Variants in GTF2F1 observed in about 807,000 individuals in gnomAD.
The protein encoded by GTF2F1 is general transcription factor IIF 74 kDa subunit.
Under a neutral mutation model 63.5 loss-of-function variants are expected in GTF2F1, and 39 were observed. The observed-to-expected ratio is 0.61, with a 90% CI of 0.48 to 0.80. GTF2F1 has a LOEUF of 0.80. GTF2F1 is among the 30% of genes least tolerant of loss of function. The pLI is 0.00. For missense variants in GTF2F1, 657 were observed against 718.3 expected (o/e 0.91, Z 0.97); for synonymous variants, 287 against 285.3 (o/e 1.01, Z -0.06).
intron 5 of GTF2F1, among the ~76,000 whole-genome samples, chr19:6,385,682 T>C (rs920335282): frequency 1.3e-5 from 2 of 152,146 alleles, no homozygotes; most frequent in African/African-American, 2.4e-5. Context: ...CGGAGGCTCA[T>C]GACCTGGTGG....
Position 6,381,587 on chromosome 19 carries a change from C to T in GTF2F1, c.865G>A (p.Ala289Thr). 3 of 1,613,776 alleles carry T rather than the reference C, an allele frequency of 1.9e-6. No individual in the cohort carries two copies. Among genetic ancestry groups the T allele is most frequent in the Non-Finnish European group, 2.5e-6 (3 of 1,180,028 alleles). ...CCCTCCTCCTGCTGCGGCGCCTTGG[C>T]CTTGCTCTCAGGCTCTTCTTGGGAG... is the stretch of plus-strand genomic sequence containing the variant. ...SSSQEEPESK[A>T]KAPQQEEGPK... is the part of the protein sequence containing the mutation. Residue 289 changes from alanine to threonine, a missense_variant, in exon 8 of 13, where the codon GCC becomes ACC. Ala to Thr is a moderately conservative substitution (Grantham distance 58). Coordinates refer to ENST00000394456, the MANE Select transcript of GTF2F1 (RefSeq NM_002096.3). The surrounding 1 kb of genome is among the most constrained non-coding windows in gnomAD (Gnocchi z 4.1).
In GTF2F1 at chr19:6,383,799, TA is replaced by T. The variant is rs1463595961; in HGVS notation, c.498-305del. On this transcript the variant is annotated intron_variant, in intron 5 of 12. Coordinates refer to ENST00000394456, the MANE Select transcript of GTF2F1 (RefSeq NM_002096.3). This position sits in a 1 kb window ranked among gnomAD's most constrained non-coding sequence, Gnocchi z 4.5. ...CTGGTTTCTTGCTATTTTTTATTAT[TA>T]TTTTTTTATTTTCTGAGACAGAGTA... is the stretch of plus-strand genomic sequence containing the variant. Among the ~76,000 whole-genome samples the T allele has an allele frequency of 6.6e-6, 1 of 152,086 alleles. No individual in the cohort carries two copies. Among genetic ancestry groups the T allele is most frequent in the Non-Finnish European group, 1.5e-5 (1 of 68,020 alleles).
rs960685392 is a variant in GTF2F1, at chr19:6,386,153, A to AG, written c.497+1235dup. 6.6e-5 allele frequency among the ~76,000 whole-genome samples: 10 copies of AG among 151,990 alleles called. No individual in the cohort carries two copies. The South Asian group carries it at 1.5e-3, about 22-fold the overall frequency. On this transcript the variant is annotated intron_variant, in intron 5 of 12. Transcript: ENST00000394456. ...GTAATCCCCACACTTAGGGAGGCTG[A>AG]GGGGGGCAGATCACCTGAGGTTAGG... is the stretch of plus-strand genomic sequence containing the variant.
In GTF2F1 at chr19:6,380,321, T is replaced by C. The variant is rs1206217566; in HGVS notation, c.1514A>G (p.Lys505Arg). The C allele has an allele frequency of 6.2e-7, 1 of 1,614,162 alleles. No individual in the cohort carries two copies. The highest frequency in any genetic ancestry group is 8.5e-7 in the Non-Finnish European group (1 of 1,180,020). Residue 505 changes from lysine (K) to arginine (R), a missense_variant, in exon 13 of 13, where the codon AAG becomes AGG. Physicochemically the swap from Lys to Arg is conservative, Grantham distance 26. Around this residue, in one of 2 missense-constraint regions of GTF2F1, gnomAD observed 55 missense variants for 92.6 expected, o/e 0.59. Transcript: ENST00000394456. This position sits in a 1 kb window ranked among gnomAD's most constrained non-coding sequence, Gnocchi z 5.3. The part of the protein sequence containing the change: ...QILKRLNPER[K>R]MINDKMHFSL... ...GAAGTGCATTTTGTCGTTGATCATC[T>C]TGCGCTCGGGGTTGAGTCGCTTGAG...
intron 6 of GTF2F1, among the ~76,000 whole-genome samples, chr19:6,382,605 T>C (rs1026661064): frequency 1.3e-4 from 18 of 139,154 alleles, no homozygotes; most frequent in African/African-American, 5.0e-4. Context: ...CACTCCAGCC[T>C]GGGCAACAGA....
rs1216584246 is a variant in GTF2F1, at chr19:6,381,529, C to G, written c.898+25G>C. The G allele has an allele frequency of 6.2e-7, 1 of 1,611,146 alleles. No individual in the cohort carries two copies. The highest frequency in any genetic ancestry group is 2.2e-5 in the East Asian group (1 of 44,888). On this transcript the variant is annotated intron_variant, in intron 8 of 12. Transcript: ENST00000394456. This position sits in a 1 kb window ranked among gnomAD's most constrained non-coding sequence, Gnocchi z 4.1. ...AGCAGGGAAGCACCGCCCCCATCTC[C>G]CCGGCCCGCCCAGCCATCGCCTACC...
Position 6,381,264 on chromosome 19 carries a change from T to C in GTF2F1, c.1019-69A>G. The C allele has an allele frequency of 6.4e-7, 1 of 1,558,178 alleles. No homozygotes were observed. The highest frequency in any genetic ancestry group is 8.7e-7 in the Non-Finnish European group (1 of 1,151,262). On this transcript the variant is annotated intron_variant, in intron 9 of 12. Transcript: ENST00000394456. The surrounding 1 kb of genome is among the most constrained non-coding windows in gnomAD (Gnocchi z 4.1). ...ACCCGGTGCCCACTGGTGCCTCCAC[T>C]GCAGATGAGGGAGGCCTGCAGGGGA...
At position 6,383,580 on chromosome 19, in the gene GTF2F1, C is replaced by A. The variant is rs2091963233; in HGVS notation, c.498-85G>T. The A allele has an allele frequency of 2.1e-6, 3 of 1,417,568 alleles. No individual in the cohort carries two copies. The highest frequency in any genetic ancestry group is 2.4e-5 in the South Asian group (2 of 83,128). The allele number at this position is 1,417,568 out of a possible 1,614,324, so 87.8% of individuals were successfully genotyped here. On this transcript the variant is annotated intron_variant, in intron 5 of 12. Coordinates refer to ENST00000394456, the MANE Select transcript of GTF2F1 (RefSeq NM_002096.3). This position sits in a 1 kb window ranked among gnomAD's most constrained non-coding sequence, Gnocchi z 4.5. Reference sequence around the variant, plus strand: ...GCAGGGGGCGAGCCCCAGGGCACCACCCACATAGCCTTCAAGGTGATGTGG... The same window carrying A: ...GCAGGGGGCGAGCCCCAGGGCACCAACCACATAGCCTTCAAGGTGATGTGG...
At position 6,389,641 on chromosome 19, in the gene GTF2F1, G is replaced by T; in HGVS notation, c.133-4C>A. 1 of 1,612,376 alleles carries T rather than the reference G, an allele frequency of 6.2e-7. No homozygotes were observed. On this transcript the variant is annotated splice_region_variant and splice_polypyrimidine_tract_variant and intron_variant, in intron 3 of 12. Coordinates refer to ENST00000394456, the MANE Select transcript of GTF2F1 (RefSeq NM_002096.3). The stretch of plus-strand genomic sequence containing the variant: ...TCAAGTCCCGCTCCAGCCGAGCCTA[G>T]GGGAGCAGGAAGCAAAGCCTCTCAG...
At chr19:6,392,405 T>C (rs1599218254) in intron 2 of GTF2F1, 1 of 481,584 alleles carries the variant, frequency 2.1e-6, no homozygotes, top group Middle Eastern at 3.3e-4. Context: ...AGGCAGGGAG[T>C]ATTTCCTGGA....
chr19:6,387,402 C>T lies in GTF2F1; in HGVS notation c.484G>A (p.Glu162Lys). The T allele has an allele frequency of 6.2e-7, 1 of 1,614,138 alleles. No individual in the cohort carries two copies. Among genetic ancestry groups the T allele is most frequent in the Non-Finnish European group, 8.5e-7 (1 of 1,179,966 alleles). The change falls in exon 5 of 13, where the codon GAG (glutamate) becomes AAG (lysine). Residue 162 changes from glutamate (E) to lysine (K), a missense_variant. Around this residue, in one of 2 missense-constraint regions of GTF2F1, gnomAD observed 602 missense variants for 625.6 expected, o/e 0.96. Transcript: ENST00000394456. ...HRTLTAEEAE[E>K]EWERRNKVLN... ...CAGCCCACTCACCTCTCCCACTCCT[C>T]CTCGGCCTCCTCGGCAGTGAGCGTG...
chr19:6,389,678 T>A (rs371866543), intron 3 of GTF2F1, 41 bp from the exon 4 acceptor site: 108 of 1,587,752 alleles, frequency 6.8e-5, no homozygotes, highest in Non-Finnish European at 8.6e-5. Context: ...GTCCCTGGCT[T>A]TGCTTGCGCA....
At position 6,383,556 on chromosome 19, in the gene GTF2F1, C is replaced by A; in HGVS notation, c.498-61G>T. On this transcript the variant is annotated intron_variant, in intron 5 of 12. Coordinates refer to ENST00000394456, the MANE Select transcript of GTF2F1 (RefSeq NM_002096.3). This position sits in a 1 kb window ranked among gnomAD's most constrained non-coding sequence, Gnocchi z 4.5. ...TGGCACCACCCTGCATCTGTGCTTG[C>A]AGGGGGCGAGCCCCAGGGCACCACC... 6.4e-7 allele frequency: 1 copy of A among 1,568,130 alleles called. No individual in the cohort carries two copies. The highest frequency in any genetic ancestry group is 8.7e-7 in the Non-Finnish European group (1 of 1,149,734).
chr19:6,387,570 C>T lies in GTF2F1; in HGVS notation c.327-11G>A. On this transcript the variant is annotated splice_polypyrimidine_tract_variant and intron_variant, in intron 4 of 12. Transcript: ENST00000394456. ...TTGATGCCCTTGAACCTGCAGGGAG[C>T]CACGGTCATGGCCTGGCCCATAGGG... 1 of 1,613,014 alleles carries T rather than the reference C, an allele frequency of 6.2e-7. No homozygotes were observed. The highest frequency in any genetic ancestry group is 8.5e-7 in the Non-Finnish European group (1 of 1,179,230).
rs367852832 is a variant in GTF2F1, at chr19:6,381,514, C to T, written c.899-36G>A. On this transcript the variant is annotated intron_variant, in intron 8 of 12. Transcript: ENST00000394456. The surrounding 1 kb of genome is among the most constrained non-coding windows in gnomAD (Gnocchi z 4.1). ...CAGGGTATGAGCAAGAGCAGGGAAG[C>T]ACCGCCCCCATCTCCCCGGCCCGCC... 1.8e-5 allele frequency: 29 copies of T among 1,609,346 alleles called. No individual in the cohort carries two copies. In the African/African-American group the frequency reaches 3.7e-4, roughly 21 times the overall value.
intron 4 of GTF2F1, among the ~76,000 whole-genome samples, chr19:6,388,447 T>C (rs544682731): frequency 8.5e-5 from 13 of 152,326 alleles, no homozygotes; most frequent in Non-Finnish European, 1.8e-4. Flanking sequence ...TGCCTGTGTC[T>C]GTCACTATCA....
At chr19:6,389,022 G>A (rs185696415) in intron 4 of GTF2F1, among the ~76,000 whole-genome samples, 181 of 151,956 alleles carry the variant, frequency 1.2e-3, no homozygotes, top group African/African-American at 4.1e-3. Flanking sequence ...CGGGAGGATC[G>A]CCAAGTTCGA....
Position 6,381,469 on chromosome 19 carries a change from TCATCGA to T in GTF2F1, c.902_907del (p.Val301_Asp302del). On this transcript the variant is annotated inframe_deletion, in exon 9 of 13. Transcript: ENST00000394456. The surrounding 1 kb of genome is among the most constrained non-coding windows in gnomAD (Gnocchi z 4.1). ...ACTCTCCTCACTACTGTCGCTCTGC[TCATCGA>T]CACCTGGGAGGGGCAGGGTATGAGC... The T allele has an allele frequency of 6.2e-6, 10 of 1,607,998 alleles. No homozygotes were observed. Among genetic ancestry groups the T allele is most frequent in the Non-Finnish European group, 8.5e-6 (10 of 1,179,358 alleles).
chr19:6,384,666 A>G (rs2091967593), intron 5 of GTF2F1, among the ~76,000 whole-genome samples: 1 of 152,112 alleles, frequency 6.6e-6, no homozygotes, highest in African/African-American at 2.4e-5. Context: ...GCAGTGGCTC[A>G]AGCCTGTCAT....
Sources: allele counts gnomAD v4.1 joint callset (sites outside exome capture counted in the v4.1 genomes callset), GRCh38; gene constraint gnomAD v4.1.1; regional missense constraint gnomAD v4.1.1; non-coding constraint Gnocchi (gnomAD v3.1); transcripts MANE v1.5; gene names NCBI Gene and HGNC (gene_info 2026-07-23, HGNC 2026-07-21).